The following FARSB variants were observed in gnomAD, a reference collection of about 807,000 sequenced individuals.
FARSB encodes phenylalanine--tRNA ligase beta subunit.
Under a neutral mutation model 69.6 loss-of-function variants are expected in FARSB, and 40 were observed. That is an observed-to-expected ratio of 0.57 (90% CI 0.45 to 0.75). FARSB has a LOEUF of 0.75. Among genes scored for constraint, FARSB ranks in the 30% least tolerant of loss-of-function variants. FARSB has a pLI of 0.00. For missense variants in FARSB, 632 were observed against 722.9 expected, an observed-to-expected ratio of 0.87 and a Z score of 1.44; for synonymous variants, 235 against 247.2, an observed-to-expected ratio of 0.95 and a Z score of 0.46.
At chr2:222,603,649 A>AATTATATTATTATTAATATAATTAAT (rs1486220538) in intron 15 of FARSB, among the ~76,000 whole-genome samples, 3 of 146,830 alleles carry the variant, frequency 2.0e-5, no homozygotes, top group Middle Eastern at 3.3e-3. Context: ...TAATACGATT[A>AATTATATTATTATTAATATAATTAAT]ATTATATTAT....
chr2:222,594,629 A>T (rs917039970), intron 16 of FARSB, among the ~76,000 whole-genome samples: 7 of 152,244 alleles, frequency 4.6e-5, no homozygotes, highest in South Asian at 2.1e-4. Context: ...GAAAATATCT[A>T]AAAAAGGCCC....
chr2:222,652,047 G>A (rs1396435429), intron 1 of FARSB, among the ~76,000 whole-genome samples: 4 of 152,184 alleles, frequency 2.6e-5, no homozygotes, highest in Non-Finnish European at 5.9e-5. Context: ...CTTTGAAGTG[G>A]AAGGGCTACA....
chr2:222,623,131 A>G (rs954728267), intron 13 of FARSB, among the ~76,000 whole-genome samples: 2 of 152,204 alleles, frequency 1.3e-5, no homozygotes, highest in Non-Finnish European at 2.9e-5. Context: ...CAAATGGTCA[A>G]TCTGGTGGGG....
At position 222,654,521 on chromosome 2, in the gene FARSB, C is replaced by A. The variant is rs565511692; in HGVS notation, c.58+1495G>T. 4.6e-5 allele frequency among the ~76,000 whole-genome samples: 7 copies of A among 152,204 alleles called. No individual in the cohort carries two copies. In the South Asian group the frequency reaches 1.5e-3, roughly 32 times the overall value. On this transcript the variant is annotated intron_variant, in intron 1 of 16. Transcript: ENST00000281828. ...AGCATTTTGGATAAGGAATTATTAA[C>A]CTGTACCACATCCCATTAGTGAGAA...
At chr2:222,648,327 A>C (rs1691923807) in intron 2 of FARSB, among the ~76,000 whole-genome samples, 1 of 152,186 alleles carries the variant, frequency 6.6e-6, no homozygotes, top group Non-Finnish European at 1.5e-5. Context: ...AGAGGCACGG[A>C]GGAAGGTTAT....
rs766747545 is a variant in FARSB at position 222,634,455 on chromosome 2, A to AT, written c.541dup (p.Ile181AsnfsTer8). On this transcript the variant is annotated frameshift_variant, in exon 6 of 17. Transcript: ENST00000281828. LOFTEE classifies it high-confidence loss of function. The stretch of plus-strand genomic sequence containing the variant: ...GGTCTTATTTAGAGGCTTGAATTTG[A>AT]TATCTGAAGGACGCTTTGCAGTATA... 1 of 1,611,908 alleles carries AT rather than the reference A, an allele frequency of 6.2e-7. No individual in the cohort carries two copies. Among genetic ancestry groups the AT allele is most frequent in the Non-Finnish European group, 8.5e-7 (1 of 1,178,374 alleles).
intron 16 of FARSB, among the ~76,000 whole-genome samples, chr2:222,597,075 A>ATG (rs1248964592): frequency 4.6e-5 from 7 of 152,278 alleles, no homozygotes; most frequent in African/African-American, 1.7e-4. Context: ...TCAGAGCTAG[A>ATG]TGTGTGCCCA....
intron 5 of FARSB, among the ~76,000 whole-genome samples, chr2:222,636,393 A>G (rs1002933769): frequency 2.6e-5 from 4 of 151,482 alleles, no homozygotes; most frequent in Non-Finnish European, 5.9e-5. Context: ...CTCAAAAAAA[A>G]AAAAAAAAAA....
chr2:222,627,765 CG>C (rs1325718691), intron 10 of FARSB, among the ~76,000 whole-genome samples: 1 of 152,028 alleles, frequency 6.6e-6, no homozygotes, highest in Non-Finnish European at 1.5e-5. Context: ...TAATGTCTTC[CG>C]GAATGGGGAG....
At chr2:222,650,547 TAGA>T (rs575945130) in intron 1 of FARSB, among the ~76,000 whole-genome samples, 35 of 152,262 alleles carry the variant, frequency 2.3e-4, no homozygotes, top group Middle Eastern at 3.4e-3. Context: ...AGGGAGTGTG[TAGA>T]AGGAGTCTAA....
intron 4 of FARSB, among the ~76,000 whole-genome samples, chr2:222,640,560 C>T (rs1017260720): frequency 4.7e-5 from 7 of 147,498 alleles, no homozygotes; most frequent in Non-Finnish European, 1.0e-4. Flanking sequence ...GGAATGAGAC[C>T]AGCCTGGGCA....
chr2:222,580,470 G>A (rs1689938098), intron 16 of FARSB, among the ~76,000 whole-genome samples: 1 of 150,082 alleles, frequency 6.7e-6, no homozygotes, highest in African/African-American at 2.4e-5. Context: ...AAACTAGCCT[G>A]GGCAACATAG....
chr2:222,634,670 T>C, intron 5 of FARSB, 129 bp from the exon 6 acceptor site: 1 of 607,458 alleles, frequency 1.6e-6, no homozygotes. Context: ...TTTTAATTAT[T>C]TCAGATACTT....
intron 16 of FARSB, among the ~76,000 whole-genome samples, chr2:222,590,513 T>TA (rs566615484): frequency 0.094 from 7,515 of 80,218 alleles, 370 homozygotes; most frequent in African/African-American, 0.22. Flanking sequence ...TTAACAGTAT[T>TA]AAAAAAAAAA....
intron 16 of FARSB, among the ~76,000 whole-genome samples, chr2:222,572,470 G>C (rs1472914260): frequency 6.6e-6 from 1 of 152,142 alleles, no homozygotes. Flanking sequence ...CATCGACACT[G>C]AATTCATTTG....
intron 13 of FARSB, among the ~76,000 whole-genome samples, 180 bp from the exon 14 acceptor site, chr2:222,619,917 C>CA (rs1355937598): frequency 6.6e-6 from 1 of 151,902 alleles, no homozygotes; most frequent in Admixed American, 6.6e-5. Context: ...AAAAAACAAA[C>CA]AAAAAAAGAA....
intron 16 of FARSB, among the ~76,000 whole-genome samples, chr2:222,576,812 T>C (rs1197971511): frequency 1.3e-5 from 2 of 152,224 alleles, no homozygotes; most frequent in African/African-American, 4.8e-5. Flanking sequence ...TTTCTGAGAA[T>C]GCAGTAACAG....
Position 222,656,081 on chromosome 2 carries a change from C to G in FARSB, c.-8G>C. 6.3e-7 allele frequency: 1 copy of G among 1,589,768 alleles called. No individual in the cohort carries two copies. The highest frequency in any genetic ancestry group is 1.4e-5 in the African/African-American group (1 of 73,628). On this transcript the variant is annotated 5_prime_UTR_variant, in exon 1 of 17. Transcript: ENST00000281828. ...CACGCTGACAGTCGGCATGGTGTGT[C>G]GAACTCACTGCGCCTGCGCAGCGAG... is the stretch of plus-strand genomic sequence containing the variant.
At position 222,571,884 on chromosome 2, in the gene FARSB, C is replaced by A. The variant is rs141988189; in HGVS notation, c.1757G>T (p.Gly586Val). The A allele has an allele frequency of 1.1e-5, 17 of 1,612,480 alleles. No homozygotes were observed. The African/African-American group carries it at 1.5e-4, about 14-fold the overall frequency. The stretch of plus-strand genomic sequence containing the variant: ...AGAGACCAATCTTCACAAAAAGGGT[C>A]CAACATTGATTTCTAGGGAGGAGCA... ...MPCSSLEINV[G>V]PFL The change falls in exon 17 of 17, where the codon GGA becomes GTA. Residue 586 changes from glycine to valine, a missense_variant. Transcript: ENST00000281828.
Sources: gnomAD v4.1 joint callset for allele counts (sites outside exome capture counted in the v4.1 genomes callset) on GRCh38, gnomAD v4.1.1 for gene constraint, MANE v1.5 for transcripts, NCBI Gene and HGNC (gene_info 2026-07-23, HGNC 2026-07-21) for gene names.